PDCL2: variants seen among roughly 807,000 people sequenced by gnomAD.
PDCL2 encodes the protein phosducin-like protein 2.
Under a neutral mutation model 30.3 loss-of-function variants are expected in PDCL2, and 23 were observed. The observed-to-expected ratio is 0.76, with a 90% CI of 0.55 to 1.08. PDCL2 has a LOEUF of 1.08. Among genes scored for constraint, PDCL2 ranks in the 50% least tolerant of loss-of-function variants. The probability of loss-of-function intolerance (pLI) is 0.00; values close to 1 mark genes in which losing one functional copy is unlikely to be tolerated. For missense variants in PDCL2, 243 were observed against 282.3 expected (o/e 0.86, Z 1.00); for synonymous variants, 68 against 86.2 (o/e 0.79, Z 1.17).
At position 55,558,509 on chromosome 4, in the gene PDCL2, G is replaced by A. The variant is rs529587190; in HGVS notation, c.572-1798C>T. On this transcript the variant is annotated intron_variant, in intron 5 of 5. Coordinates refer to ENST00000295645, the MANE Select transcript of PDCL2 (RefSeq NM_152401.3). The stretch of plus-strand genomic sequence containing the variant: ...CCTCCCCAGCCATGCTGAACTGTGA[G>A]TCAATTAAACCTCTTTCCTTTATAA... 6.6e-5 allele frequency among the ~76,000 whole-genome samples: 10 copies of A among 152,306 alleles called. No individual in the cohort carries two copies. The South Asian group carries it at 2.1e-3, about 32-fold the overall frequency.
intron 3 of PDCL2, among the ~76,000 whole-genome samples, chr4:55,575,780 C>T (rs112665901): frequency 2.0e-5 from 3 of 152,242 alleles, no homozygotes; most frequent in African/African-American, 7.2e-5. Flanking sequence ...TTTTTAAATG[C>T]TGAGAGAAAA....
intron 4 of PDCL2, among the ~76,000 whole-genome samples, chr4:55,563,788 G>A (rs1169464176): frequency 1.3e-5 from 2 of 152,202 alleles, no homozygotes; most frequent in African/African-American, 4.8e-5. Flanking sequence ...TGACAAGACA[G>A]GCTATGGGAG....
At chr4:55,591,200 T>C (rs894042135) in intron 1 of PDCL2, among the ~76,000 whole-genome samples, 1 of 151,870 alleles carries the variant, frequency 6.6e-6, no homozygotes, top group Non-Finnish European at 1.5e-5. Flanking sequence ...AAATTAAATA[T>C]GTAAAATGAG....
intron 4 of PDCL2, among the ~76,000 whole-genome samples, chr4:55,565,496 C>T (rs955642727): frequency 2.0e-5 from 3 of 152,090 alleles, no homozygotes; most frequent in African/African-American, 7.2e-5. Flanking sequence ...GGAAAAGCCC[C>T]TTATAAAACC....
chr4:55,562,927 A>AAC (rs1553906830), intron 4 of PDCL2, among the ~76,000 whole-genome samples: 2,704 of 150,002 alleles, frequency 0.018, 79 homozygotes, highest in African/African-American at 0.06. Context: ...AAAAAAAAAA[A>AAC]ACAGGACACT....
intron 5 of PDCL2, among the ~76,000 whole-genome samples, chr4:55,556,994 C>G (rs1005637634): frequency 1.3e-5 from 2 of 152,062 alleles, no homozygotes; most frequent in Non-Finnish European, 2.9e-5. Flanking sequence ...CCACCACACC[C>G]AGCTAAGTTT....
intron 1 of PDCL2, among the ~76,000 whole-genome samples, chr4:55,585,389 A>G (rs1024415335): frequency 1.3e-5 from 2 of 152,068 alleles, no homozygotes; most frequent in African/African-American, 2.4e-5. Flanking sequence ...TTAGCTGGGC[A>G]CAGTGGCAGG....
rs529556843 is a variant in PDCL2, at chr4:55,564,168, T to C, written c.363-1556A>G. Among the ~76,000 whole-genome samples, 7 of 152,368 alleles carry C rather than the reference T, an allele frequency of 4.6e-5. No individual in the cohort carries two copies. The South Asian group carries it at 1.5e-3, about 32-fold the overall frequency. ...ACTAATATCTAATTCAGAGAAATTT[T>C]ATAATTTTCATTAGAAATTTTGTCA... On this transcript the variant is annotated intron_variant, in intron 4 of 5. Transcript: ENST00000295645.
At chr4:55,575,666 A>G (rs1732547445) in intron 3 of PDCL2, among the ~76,000 whole-genome samples, 1 of 152,238 alleles carries the variant, frequency 6.6e-6, no homozygotes. Flanking sequence ...GAGAATCTTG[A>G]AAGCAGAGAG....
chr4:55,579,676 C>T (rs1045395145), intron 3 of PDCL2, among the ~76,000 whole-genome samples: 3 of 152,100 alleles, frequency 2.0e-5, no homozygotes, highest in African/African-American at 7.2e-5. Context: ...GTTGTAACTC[C>T]ATTCACTGGT....
intron 1 of PDCL2, among the ~76,000 whole-genome samples, chr4:55,590,196 CAAAAAAA>C (rs1221085369): frequency 5.4e-5 from 2 of 37,094 alleles, no homozygotes; most frequent in Non-Finnish European, 8.4e-5. Context: ...GGCTCTGTCT[CAAAAAAA>C]AAAAAAAAAA....
chr4:55,560,519 G>A (rs1732105112), intron 5 of PDCL2, among the ~76,000 whole-genome samples: 1 of 152,166 alleles, frequency 6.6e-6, no homozygotes, highest in Non-Finnish European at 1.5e-5. Context: ...GGAGGCTAAA[G>A]TGGGAGGATT....
At chr4:55,562,676 T>C (rs1404185873) in intron 4 of PDCL2, 64 bp from the exon 5 acceptor site, 2 of 1,122,604 alleles carry the variant, frequency 1.8e-6, no homozygotes, top group Admixed American at 3.4e-5. Flanking sequence ...TCTAATGAAA[T>C]AAGTAAAATA....
intron 3 of PDCL2, among the ~76,000 whole-genome samples, chr4:55,577,433 C>A (rs1732600586): frequency 6.6e-6 from 1 of 152,178 alleles, no homozygotes; most frequent in Non-Finnish European, 1.5e-5. Flanking sequence ...TGGTGATTAA[C>A]TCAATCTCTA....
At chr4:55,568,642 T>C (rs1732331273) in intron 4 of PDCL2, among the ~76,000 whole-genome samples, 1 of 152,120 alleles carries the variant, frequency 6.6e-6, no homozygotes, top group African/African-American at 2.4e-5. Flanking sequence ...ATTCATAGTA[T>C]ACCACACCAA....
At chr4:55,581,525 C>A (rs1357558298) in intron 2 of PDCL2, among the ~76,000 whole-genome samples, 1 of 151,956 alleles carries the variant, frequency 6.6e-6, no homozygotes, top group Non-Finnish European at 1.5e-5. Flanking sequence ...AAAGAATGAT[C>A]AAAATAGATG....
intron 1 of PDCL2, among the ~76,000 whole-genome samples, chr4:55,589,923 G>A (rs180678929): frequency 2.6e-5 from 4 of 152,150 alleles, no homozygotes; most frequent in East Asian, 1.9e-4. Flanking sequence ...GCAGCCAGGC[G>A]CAGTGACTCA....
Position 55,571,686 on chromosome 4 carries a change from C to CA in PDCL2, c.219-1826dup, listed in dbSNP as rs761336707. 7.6e-4 allele frequency among the ~76,000 whole-genome samples: 28 copies of CA among 36,870 alleles called. 1 individual carries two copies. Among genetic ancestry groups the CA allele is most frequent in the South Asian group, 7.1e-4 (1 of 1,416 alleles). 24.2% of individuals were successfully genotyped at this position (36,870 alleles called of 152,430 possible). ...TGGGCGACAGAGTGAGACTCCATCT[C>CA]AAAAAAAAAAAAAATTTTTGACCTT... On this transcript the variant is annotated intron_variant, in intron 3 of 5. Coordinates refer to ENST00000295645, the MANE Select transcript of PDCL2 (RefSeq NM_152401.3).
At chr4:55,585,361 C>G (rs1732832783) in intron 1 of PDCL2, among the ~76,000 whole-genome samples, 1 of 152,098 alleles carries the variant, frequency 6.6e-6, no homozygotes, top group South Asian at 2.1e-4. Flanking sequence ...AACCCTGTCT[C>G]TACTAAAAAT....
Sources: gnomAD v4.1 joint callset for allele counts (sites outside exome capture counted in the v4.1 genomes callset) on GRCh38, gnomAD v4.1.1 for gene constraint, MANE v1.5 for transcripts, NCBI Gene and HGNC (gene_info 2026-07-23, HGNC 2026-07-21) for gene names.